Variants in OLFM2 observed in about 807,000 individuals in gnomAD.
The protein encoded by OLFM2 is olfactomedin 2.
In OLFM2, 20 loss-of-function variants were observed where a neutral mutation model predicts 43.9. The observed-to-expected ratio is 0.46, with a 90% CI of 0.32 to 0.66. The LOEUF (loss-of-function observed/expected upper bound fraction) is 0.66. Among genes scored for constraint, OLFM2 ranks in the 30% least tolerant of loss-of-function variants. The pLI is 0.04. For missense variants in OLFM2, 416 were observed against 643.6 expected (o/e 0.65, Z 3.83); for synonymous variants, 268 against 278.6 (o/e 0.96, Z 0.38).
At chr19:9,862,651 A>AGTG (rs997408180) in intron 1 of OLFM2, among the ~76,000 whole-genome samples, 2 of 151,740 alleles carry the variant, frequency 1.3e-5, no homozygotes, top group African/African-American at 4.8e-5. Context: ...ACTGCACTCC[A>AGTG]GCCTGGGTGA....
intron 1 of OLFM2, among the ~76,000 whole-genome samples, chr19:9,892,579 C>T (rs766358985): frequency 1.3e-5 from 2 of 152,082 alleles, no homozygotes; most frequent in African/African-American, 4.8e-5. Flanking sequence ...GGCTTGGTGG[C>T]GGGTGCCTGT....
rs769453762 is a variant in OLFM2, at chr19:9,874,442, C to G, written c.64-13648G>C. ...TAAGCCTCCCAAAGTGGTGGCATTA[C>G]AGACATAAGCCATCATGCCCAGCCA... On this transcript the variant is annotated intron_variant, in intron 1 of 5. Coordinates refer to ENST00000264833, the MANE Select transcript of OLFM2 (RefSeq NM_058164.4). Among the ~76,000 whole-genome samples the G allele has an allele frequency of 7.3e-5, 11 of 150,358 alleles. No homozygotes were observed. In the Admixed American group the frequency reaches 7.4e-4, roughly 10 times the overall value.
At chr19:9,928,249 C>T (rs982900959) in intron 1 of OLFM2, among the ~76,000 whole-genome samples, 7 of 151,896 alleles carry the variant, frequency 4.6e-5, no homozygotes, top group South Asian at 4.1e-4. Flanking sequence ...AAAAAGAACC[C>T]GGCTCACCAT....
chr19:9,935,775 C>T (rs1032113529), intron 1 of OLFM2, among the ~76,000 whole-genome samples: 1 of 151,758 alleles, frequency 6.6e-6, no homozygotes, highest in African/African-American at 2.4e-5. Flanking sequence ...ACAAACTCCC[C>T]CCGGTCACAC....
chr19:9,876,332 T>C (rs1226430196), intron 1 of OLFM2, among the ~76,000 whole-genome samples: 1 of 152,138 alleles, frequency 6.6e-6, no homozygotes, highest in Admixed American at 6.5e-5. Flanking sequence ...TTCACACCGA[T>C]AGCCAGGGAC....
intron 1 of OLFM2, among the ~76,000 whole-genome samples, chr19:9,865,390 G>A (rs1413185759): frequency 1.3e-5 from 2 of 150,996 alleles, no homozygotes; most frequent in African/African-American, 2.4e-5. Context: ...TGTCCAGTAT[G>A]GTCTCAAACT....
chr19:9,876,524 G>A lies in OLFM2; in HGVS notation c.64-15730C>T, dbSNP rs139191008. Reference sequence around the variant, plus strand: ...GCTCTTTCCTGCTAGGTCCCCATGCGCCCCTGCGGGTGGCAAGTCCACTCT... The same window carrying A: ...GCTCTTTCCTGCTAGGTCCCCATGCACCCCTGCGGGTGGCAAGTCCACTCT... On this transcript the variant is annotated intron_variant, in intron 1 of 5. Transcript: ENST00000264833. Among the ~76,000 whole-genome samples the A allele has an allele frequency of 2.0e-4, 31 of 152,256 alleles. No homozygotes were observed. The East Asian group carries it at 5.4e-3, about 27-fold the overall frequency.
At chr19:9,932,157 G>A (rs2086486404) in intron 1 of OLFM2, among the ~76,000 whole-genome samples, 1 of 151,938 alleles carries the variant, frequency 6.6e-6, no homozygotes, top group Non-Finnish European at 1.5e-5. Flanking sequence ...ATGTGGAAAC[G>A]AGGGCTATAA....
At chr19:9,870,874 A>AAAAT (rs1204050016) in intron 1 of OLFM2, among the ~76,000 whole-genome samples, 2 of 152,070 alleles carry the variant, frequency 1.3e-5, no homozygotes, top group Non-Finnish European at 2.9e-5. Context: ...ACTTTGTCTC[A>AAAAT]AAATAAATAA....
intron 1 of OLFM2, among the ~76,000 whole-genome samples, chr19:9,875,865 C>G (rs2145449068): frequency 6.6e-6 from 1 of 152,104 alleles, no homozygotes; most frequent in Admixed American, 6.6e-5. Context: ...CCACGGGGAC[C>G]AAAAGCCTGC....
chr19:9,863,964 C>G (rs2046382460), intron 1 of OLFM2, among the ~76,000 whole-genome samples: 1 of 152,264 alleles, frequency 6.6e-6, no homozygotes, highest in Admixed American at 6.5e-5. Flanking sequence ...CAGCGGAGCA[C>G]AGTAACTCAC....
At chr19:9,913,625 C>G in intron 1 of OLFM2, 1 of 1,290,920 alleles carries the variant, frequency 7.7e-7, no homozygotes, top group African/African-American at 1.6e-5. Context: ...CATCGCGCCT[C>G]CGCCTCATGC....
rs76715721 is a variant in OLFM2 at position 9,853,906 on chromosome 19, G to A, written c.*280C>T. 1,792 of 569,742 alleles carry A rather than the reference G, an allele frequency of 3.1e-3. 49 individuals carry two copies. In the East Asian group the frequency reaches 0.046, roughly 15 times the overall value. The allele number at this position is 569,742 out of a possible 1,614,324, so 35.3% of individuals were successfully genotyped here. On this transcript the variant is annotated 3_prime_UTR_variant, in exon 6 of 6. Transcript: ENST00000264833. ...GAGAGAGACAGAGAGAGGCAGAGAC[G>A]GAAAGAACTGGAGAACCAGAGCCAT...
At position 9,857,293 on chromosome 19, in the gene OLFM2, C is replaced by T. The variant is rs2046327637; in HGVS notation, c.550G>A (p.Ala184Thr). ...DLQQRVMALE[A>T]RLHACAQKLG... ...TTCTGGGCGCAGGCGTGGAGCCGGG[C>T]CTCCAGGGCCATCACCCGTTGCTGC... is the stretch of plus-strand genomic sequence containing the variant. Residue 184 changes from alanine (A) to threonine (T), a missense_variant, in exon 4 of 6, where the codon GCC becomes ACC. Ala to Thr is a moderately conservative substitution (Grantham distance 58). Coordinates refer to ENST00000264833, the MANE Select transcript of OLFM2 (RefSeq NM_058164.4). The surrounding 1 kb of genome is among the most constrained non-coding windows in gnomAD (Gnocchi z 5.7). 6.2e-7 allele frequency: 1 copy of T among 1,613,984 alleles called. No individual in the cohort carries two copies. The highest frequency in any genetic ancestry group is 8.5e-7 in the Non-Finnish European group (1 of 1,180,026).
At chr19:9,861,234 G>GT (rs1304917302) in intron 1 of OLFM2, among the ~76,000 whole-genome samples, 1 of 124,438 alleles carries the variant, frequency 8.0e-6, no homozygotes, top group Non-Finnish European at 1.7e-5. Flanking sequence ...GTTTTTTGTT[G>GT]TTGTTTGTTT....
intron 1 of OLFM2, among the ~76,000 whole-genome samples, chr19:9,927,432 G>T (rs922925059): frequency 4.6e-5 from 7 of 152,026 alleles, no homozygotes; most frequent in Admixed American, 2.6e-4. Context: ...ACTTACCCTA[G>T]TTCCCATTTC....
rs768436512 is a variant in OLFM2 at position 9,854,330 on chromosome 19, G to A, written c.1221C>T (p.Asp407=). 34 of 1,614,066 alleles carry A rather than the reference G, an allele frequency of 2.1e-5. No individual in the cohort carries two copies. The highest frequency in any genetic ancestry group is 1.6e-4 in the Middle Eastern group (1 of 6,084). ...GGGAATACTGGTTGTGGAAGGGCAC[G>A]TCCGTGTACTCGTAACTGGACGTGT... ...FTNTSSYEYT[D]VPFHNQYSHI... is the part of the protein sequence containing the mutation. The change falls in exon 6 of 6, where the codon GAC becomes GAT. Residue 407 remains aspartate, a synonymous_variant. Coordinates refer to ENST00000264833, the MANE Select transcript of OLFM2 (RefSeq NM_058164.4). This position sits in a 1 kb window ranked among gnomAD's most constrained non-coding sequence, Gnocchi z 9.5.
At chr19:9,889,513 G>T (rs903045122) in intron 1 of OLFM2, among the ~76,000 whole-genome samples, 2 of 152,288 alleles carry the variant, frequency 1.3e-5, no homozygotes, top group East Asian at 3.9e-4. Flanking sequence ...GCCTCTCAAA[G>T]TATTGGGATT....
At chr19:9,922,987 A>C (rs2086430302) in intron 1 of OLFM2, among the ~76,000 whole-genome samples, 1 of 151,980 alleles carries the variant, frequency 6.6e-6, no homozygotes, top group Non-Finnish European at 1.5e-5. Context: ...GAGGATATGG[A>C]GCAACTGGAA....
Sources: gnomAD v4.1 joint callset for allele counts (sites outside exome capture counted in the v4.1 genomes callset) on GRCh38, gnomAD v4.1.1 for gene constraint, Gnocchi (gnomAD v3.1) non-coding constraint, MANE v1.5 for transcripts, NCBI Gene and HGNC (gene_info 2026-07-23, HGNC 2026-07-21) for gene names.